OPCML: variants seen among roughly 807,000 people sequenced by gnomAD.
OPCML encodes the protein opioid-binding protein/cell adhesion molecule.
Under a neutral mutation model 37.8 loss-of-function variants are expected in OPCML, and 13 were observed. The ratio of observed to expected loss-of-function variants is 0.34; its 90% CI spans 0.22 to 0.55. OPCML has a LOEUF of 0.55. Among genes scored for constraint, OPCML ranks in the 20% least tolerant of loss-of-function variants. The pLI, the probability that OPCML is intolerant of heterozygous loss-of-function variation, is 0.91. For synonymous variants in OPCML, 176 were observed against 168.8 expected, an observed-to-expected ratio of 1.04 and a Z score of -0.33; for missense variants, 341 against 435.6, an observed-to-expected ratio of 0.78 and a Z score of 1.93.
At chr11:132,712,395 C>A (rs1944303956) in intron 2 of OPCML, among the ~76,000 whole-genome samples, 3 of 152,054 alleles carry the variant, frequency 2.0e-5, no homozygotes, top group Admixed American at 6.6e-5. Flanking sequence ...AAGGCTCCCC[C>A]TCGGTGGAAG....
chr11:132,593,736 C>T (rs1403658073), intron 3 of OPCML, among the ~76,000 whole-genome samples: 1 of 152,050 alleles, frequency 6.6e-6, no homozygotes, highest in Non-Finnish European at 1.5e-5. Flanking sequence ...AAAGATGACT[C>T]CTAGGATTAG....
chr11:132,502,181 G>A (rs2096247025), intron 4 of OPCML, among the ~76,000 whole-genome samples: 1 of 152,182 alleles, frequency 6.6e-6, no homozygotes, highest in South Asian at 2.1e-4. Flanking sequence ...GACACGGGCA[G>A]TTTCTCTCCT....
chr11:133,331,194 C>G (rs1038957354), intron 1 of OPCML, among the ~76,000 whole-genome samples: 2 of 152,192 alleles, frequency 1.3e-5, no homozygotes, highest in African/African-American at 4.8e-5. Flanking sequence ...GGAGTGGCCC[C>G]GTAGAGTCAG....
At chr11:133,531,845 CTG>C (rs1948612115) in intron 1 of OPCML, among the ~76,000 whole-genome samples, 2 of 151,936 alleles carry the variant, frequency 1.3e-5, no homozygotes. Flanking sequence ...ACCACCACGA[CTG>C]AGAGAGATAA....
chr11:132,734,970 G>A (rs143183354), intron 2 of OPCML, among the ~76,000 whole-genome samples: 16 of 152,198 alleles, frequency 1.1e-4, no homozygotes, highest in Non-Finnish European at 1.9e-4. Flanking sequence ...CAAAACTATC[G>A]CCTGCAACAT....
chr11:133,207,084 G>C (rs1939100853), intron 1 of OPCML, among the ~76,000 whole-genome samples: 1 of 145,880 alleles, frequency 6.9e-6, no homozygotes, highest in East Asian at 2.0e-4. Flanking sequence ...TCAGGAGATC[G>C]AGACCATCCT....
intron 3 of OPCML, among the ~76,000 whole-genome samples, chr11:132,539,485 G>T (rs2096349956): frequency 6.6e-6 from 1 of 152,138 alleles, no homozygotes; most frequent in Non-Finnish European, 1.5e-5. Flanking sequence ...CAGCAGTTGG[G>T]CTATACATTA....
chr11:133,424,691 C>T (rs750273650), intron 1 of OPCML, among the ~76,000 whole-genome samples: 6 of 152,034 alleles, frequency 3.9e-5, no homozygotes, highest in South Asian at 2.1e-4. Context: ...ATCTTTTGTT[C>T]GTGTCTTTGA....
intron 3 of OPCML, among the ~76,000 whole-genome samples, chr11:132,582,488 A>G (rs1343140317): frequency 6.6e-6 from 1 of 152,218 alleles, no homozygotes; most frequent in Non-Finnish European, 1.5e-5. Flanking sequence ...TAAAGTATGC[A>G]GAGTATGCAT....
chr11:132,515,830 G>C (rs2096278522), intron 4 of OPCML, among the ~76,000 whole-genome samples: 1 of 152,144 alleles, frequency 6.6e-6, no homozygotes, highest in Non-Finnish European at 1.5e-5. Flanking sequence ...ACCCAGCATA[G>C]TTGAAGTTTA....
At chr11:133,153,179 G>A (rs1315483276) in intron 1 of OPCML, among the ~76,000 whole-genome samples, 3 of 152,178 alleles carry the variant, frequency 2.0e-5, no homozygotes, top group African/African-American at 7.2e-5. Context: ...AATTACTGGA[G>A]CTGTGGGAGA....
chr11:133,367,533 A>T (rs1020966595), intron 1 of OPCML, among the ~76,000 whole-genome samples: 2 of 152,188 alleles, frequency 1.3e-5, no homozygotes, highest in Admixed American at 6.5e-5. Context: ...AAAATTTGAC[A>T]TGTTTACTCA....
At chr11:133,012,960 AT>A (rs1699869958) in intron 1 of OPCML, among the ~76,000 whole-genome samples, 1 of 152,162 alleles carries the variant, frequency 6.6e-6, no homozygotes, top group African/African-American at 2.4e-5. Context: ...CAGACTTTCA[AT>A]GGCTCCCTTC....
At chr11:133,204,888 A>ATATGTG (rs1555114229) in intron 1 of OPCML, among the ~76,000 whole-genome samples, 2 of 129,154 alleles carry the variant, frequency 1.5e-5, no homozygotes, top group South Asian at 5.1e-4. Context: ...ATATATATAT[A>ATATGTG]TATATATATA....
At chr11:133,531,135 G>T (rs895456350) in intron 1 of OPCML, among the ~76,000 whole-genome samples, 1 of 152,166 alleles carries the variant, frequency 6.6e-6, no homozygotes, top group Admixed American at 6.5e-5. Context: ...TATGAAAACC[G>T]ACACTTTTGC....
intron 1 of OPCML, among the ~76,000 whole-genome samples, chr11:133,509,438 T>C (rs1330009589): frequency 2.0e-5 from 3 of 152,228 alleles, no homozygotes; most frequent in Non-Finnish European, 4.4e-5. Flanking sequence ...CCACGGGGTA[T>C]ATGTATCACA....
rs182858147 is a variant in OPCML at position 133,126,811 on chromosome 11, G to A, written c.62-183801C>T. ...GAATTCCAGCTCCCTCCTGGGATTC[G>A]AAGCCATAGGGACCCACGGGCACAT... On this transcript the variant is annotated intron_variant, in intron 1 of 7. Coordinates refer to ENST00000524381, the MANE Select transcript of OPCML (RefSeq NM_001012393.5). Among the ~76,000 whole-genome samples the A allele has an allele frequency of 2.1e-4, 32 of 152,202 alleles. 1 individual carries two copies. The highest frequency in any genetic ancestry group is 1.2e-3 in the Admixed American group (18 of 15,290).
At position 132,717,193 on chromosome 11, in the gene OPCML, T is replaced by C. The variant is rs1319324835; in HGVS notation, c.147-59874A>G. On this transcript the variant is annotated intron_variant, in intron 2 of 7. Coordinates refer to ENST00000524381, the MANE Select transcript of OPCML (RefSeq NM_001012393.5). ...CAAGCTATTGTGACCACTTTGTTAT[T>C]GGATGCTAACAGTCTTACTTTTTAG... Among the ~76,000 whole-genome samples, 3 of 152,222 alleles carry C rather than the reference T, an allele frequency of 2.0e-5. No homozygotes were observed. In the East Asian group the frequency reaches 5.8e-4, roughly 29 times the overall value.
chr11:133,170,803 T>C (rs1950278729), intron 1 of OPCML, among the ~76,000 whole-genome samples: 1 of 152,162 alleles, frequency 6.6e-6, no homozygotes. Flanking sequence ...GCCACAGCCC[T>C]CTCCATCTAG....
Sources: allele counts gnomAD v4.1 joint callset (sites outside exome capture counted in the v4.1 genomes callset), GRCh38; gene constraint gnomAD v4.1.1; transcripts MANE v1.5; gene names NCBI Gene and HGNC (gene_info 2026-07-23, HGNC 2026-07-21).